The following TMPRSS11F variants were observed in gnomAD, a reference collection of about 807,000 sequenced individuals.
The protein encoded by TMPRSS11F is transmembrane protease serine 11F.
A neutral mutation model predicts 60.2 loss-of-function variants in TMPRSS11F; 47 were observed. The observed-to-expected ratio is 0.78, with a 90% CI of 0.62 to 1.00. The LOEUF (loss-of-function observed/expected upper bound fraction) is 1.00. TMPRSS11F is among the 50% of genes least tolerant of loss of function. TMPRSS11F has a pLI of 0.00. For synonymous variants in TMPRSS11F, 166 were observed against 167.3 expected (o/e 0.99, Z 0.06); for missense variants, 519 against 522.9 (o/e 0.99, Z 0.07).
intron 1 of TMPRSS11F, among the ~76,000 whole-genome samples, chr4:68,123,318 A>G (rs1724656969): frequency 6.6e-6 from 1 of 152,194 alleles, no homozygotes; most frequent in South Asian, 2.1e-4. Flanking sequence ...TTAGTTGCCC[A>G]AAAAGAATAA....
chr4:68,068,592 G>T lies in TMPRSS11F; in HGVS notation c.755+26C>A, dbSNP rs765959076. The T allele has an allele frequency of 9.4e-6, 15 of 1,601,504 alleles. No individual in the cohort carries two copies. In the African/African-American group the frequency reaches 1.5e-4, roughly 16 times the overall value. ...GGCAGATGAGGACTGTGAAAAGAAG[G>T]CTCACAGCAGCCTTGGTTAACTTAC... On this transcript the variant is annotated intron_variant, in intron 7 of 9. Transcript: ENST00000356291.
intron 4 of TMPRSS11F, among the ~76,000 whole-genome samples, chr4:68,073,488 T>C (rs189402598): frequency 1.3e-5 from 2 of 151,360 alleles, no homozygotes; most frequent in Non-Finnish European, 1.5e-5. Context: ...CAAGAAGGTA[T>C]GAAAGAAAGA....
rs548086619 is a variant in TMPRSS11F, at chr4:68,104,933, T to C, written c.12-5895A>G. 5.1e-4 allele frequency among the ~76,000 whole-genome samples: 76 copies of C among 148,954 alleles called. No homozygotes were observed. The East Asian group carries it at 6.5e-3, about 13-fold the overall frequency. ...ATTTTATTGAGCATTTTTGCATCAA[T>C]GTTTATCTAAGAAATTTGCTTGTAG... On this transcript the variant is annotated intron_variant, in intron 1 of 9. Transcript: ENST00000356291.
In TMPRSS11F at chr4:68,068,780, G is replaced by C. The variant is rs567771999; in HGVS notation, c.593C>G (p.Pro198Arg). The change falls in exon 7 of 10, where the codon CCA (proline) becomes CGA (arginine). Residue 198 changes from proline to arginine, a missense_variant. By Grantham distance (103) the Pro-to-Arg change is moderately radical (BLOSUM62 -2). Coordinates refer to ENST00000356291, the MANE Select transcript of TMPRSS11F (RefSeq NM_207407.2). The stretch of plus-strand genomic sequence containing the variant: ...AATTCTTTGAGTAGAAGAGGATGCT[G>C]GTAATGGCATGTTTGAAGATGTCAT... ...IRMTSSNMPL[P>R]ASSSTQRIVQ... 6.2e-7 allele frequency: 1 copy of C among 1,614,064 alleles called. No individual in the cohort carries two copies. Among genetic ancestry groups the C allele is most frequent in the Admixed American group, 1.7e-5 (1 of 59,996 alleles).
intron 1 of TMPRSS11F, among the ~76,000 whole-genome samples, chr4:68,105,475 T>G (rs1275710858): frequency 6.6e-6 from 1 of 152,114 alleles, no homozygotes; most frequent in Non-Finnish European, 1.5e-5. Flanking sequence ...GCAAGCTAGT[T>G]AAATTCTGTA....
At chr4:68,062,693 A>G (rs188392762) in intron 8 of TMPRSS11F, 2 of 751,366 alleles carry the variant, frequency 2.7e-6, no homozygotes, top group Non-Finnish European at 5.0e-6. Flanking sequence ...TTTGTTATAC[A>G]CAGACAGCAT....
chr4:68,127,553 A>T (rs1724738226), intron 1 of TMPRSS11F, among the ~76,000 whole-genome samples: 1 of 152,156 alleles, frequency 6.6e-6, no homozygotes, highest in African/African-American at 2.4e-5. Context: ...TAAGAATGTT[A>T]ATGTGTTCTC....
rs58878382 is a variant in TMPRSS11F at position 68,072,199 on chromosome 4, T to TTATA, written c.514+120_514+123dup. On this transcript the variant is annotated intron_variant, in intron 5 of 9. Transcript: ENST00000356291. ...TTTAGTTTTATTCCATGCTGAGATT[T>TTATA]TATATATATATATATATCTTCCAAA... The TTATA allele has an allele frequency of 6.7e-4, 61 of 91,672 alleles. 1 individual carries two copies. Among genetic ancestry groups the TTATA allele is most frequent in the East Asian group, 3.1e-3 (8 of 2,586 alleles). The allele number at this position is 91,672 out of a possible 1,614,324, so 5.7% of individuals were successfully genotyped here.
chr4:68,100,843 T>A (rs528703029), intron 1 of TMPRSS11F, among the ~76,000 whole-genome samples: 27 of 152,150 alleles, frequency 1.8e-4, no homozygotes, highest in African/African-American at 6.3e-4. Flanking sequence ...AGAAAAAAAA[T>A]GAAAAAGTTA....
At chr4:68,124,545 T>G (rs777695120) in intron 1 of TMPRSS11F, among the ~76,000 whole-genome samples, 2 of 152,218 alleles carry the variant, frequency 1.3e-5, no homozygotes, top group Non-Finnish European at 2.9e-5. Context: ...TTATTTTAGT[T>G]TTTATTGATT....
chr4:68,094,742 G>T (rs187236722), intron 2 of TMPRSS11F, among the ~76,000 whole-genome samples: 1 of 151,812 alleles, frequency 6.6e-6, no homozygotes, highest in East Asian at 1.9e-4. Flanking sequence ...TACTCTTTAG[G>T]TTTTCAAGAA....
At chr4:68,110,707 T>C (rs955887861) in intron 1 of TMPRSS11F, among the ~76,000 whole-genome samples, 4 of 152,158 alleles carry the variant, frequency 2.6e-5, no homozygotes, top group African/African-American at 9.6e-5. Context: ...ATTTAACATG[T>C]CAAAGTGCTA....
chr4:68,091,945 C>G (rs928641032), intron 2 of TMPRSS11F, among the ~76,000 whole-genome samples: 11 of 151,876 alleles, frequency 7.2e-5, no homozygotes, highest in African/African-American at 2.4e-4. Context: ...CGCCACTACA[C>G]CCGACTAATT....
chr4:68,122,261 C>T (rs980072600), intron 1 of TMPRSS11F, among the ~76,000 whole-genome samples: 1 of 152,016 alleles, frequency 6.6e-6, no homozygotes, highest in African/African-American at 2.4e-5. Context: ...ACCTAAAATT[C>T]TATTATTGAA....
In TMPRSS11F at chr4:68,059,908, ACT is replaced by A. The variant is rs1304627444; in HGVS notation, c.1016-442_1016-441del. Reference sequence around the variant, plus strand: ...TGCACAGATCTCTTCACCCTACTCTACTCTGTCATGTATTATTTAGGGGTGTC... The same window carrying A: ...TGCACAGATCTCTTCACCCTACTCTACTGTCATGTATTATTTAGGGGTGTC... On this transcript the variant is annotated intron_variant, in intron 8 of 9. Transcript: ENST00000356291. Among the ~76,000 whole-genome samples the A allele has an allele frequency of 3.9e-5, 6 of 152,132 alleles. No homozygotes were observed. The East Asian group carries it at 1.2e-3, about 30-fold the overall frequency.
At chr4:68,127,390 C>T (rs1341405929) in intron 1 of TMPRSS11F, among the ~76,000 whole-genome samples, 2 of 152,080 alleles carry the variant, frequency 1.3e-5, no homozygotes, top group African/African-American at 4.8e-5. Flanking sequence ...CAGAATGTGG[C>T]TTATTGATTT....
intron 3 of TMPRSS11F, among the ~76,000 whole-genome samples, chr4:68,082,608 C>T (rs566101375): frequency 3.3e-5 from 5 of 152,338 alleles, no homozygotes; most frequent in South Asian, 2.1e-4. Context: ...TACTGGTTTG[C>T]GAGCATATCT....
At chr4:68,086,636 A>G (rs1427990740) in intron 3 of TMPRSS11F, among the ~76,000 whole-genome samples, 1 of 152,122 alleles carries the variant, frequency 6.6e-6, no homozygotes, top group Non-Finnish European at 1.5e-5. Flanking sequence ...CTAAATTAGA[A>G]AAAGAGAGAG....
intron 8 of TMPRSS11F, chr4:68,062,884 G>C (rs979771923): frequency 2.5e-6 from 2 of 793,682 alleles, no homozygotes; most frequent in Non-Finnish European, 4.5e-6. Flanking sequence ...AATTTTTTAA[G>C]TGGCTGCCTT....
Sources: allele counts gnomAD v4.1 joint callset (sites outside exome capture counted in the v4.1 genomes callset), GRCh38; gene constraint gnomAD v4.1.1; transcripts MANE v1.5; gene names NCBI Gene and HGNC (gene_info 2026-07-23, HGNC 2026-07-21).